Variants in NAV2 observed in about 807,000 individuals in gnomAD.
The protein encoded by NAV2 is neuron navigator 2.
Under a neutral mutation model 223.2 loss-of-function variants are expected in NAV2, and 54 were observed. That is an observed-to-expected ratio of 0.24 (90% CI 0.19 to 0.30). The LOEUF (loss-of-function observed/expected upper bound fraction) is 0.30. Ranked by LOEUF, NAV2 falls within the 10% of genes least tolerant of loss-of-function variation. The pLI is 1.00. For synonymous variants in NAV2, 1,279 were observed against 1,239.3 expected, an observed-to-expected ratio of 1.03 and a Z score of -0.67; for missense variants, 2,806 against 3,147.5, an observed-to-expected ratio of 0.89 and a Z score of 2.60.
chr11:19,516,259 A>T (rs573538489), intron 1 of NAV2, among the ~76,000 whole-genome samples: 3 of 152,318 alleles, frequency 2.0e-5, no homozygotes, highest in African/African-American at 7.2e-5. Context: ...AAGGTGACAT[A>T]GGCCCCTCTT....
chr11:19,462,105 A>G (rs1852188241), intron 1 of NAV2, among the ~76,000 whole-genome samples: 1 of 152,212 alleles, frequency 6.6e-6, no homozygotes, highest in Non-Finnish European at 1.5e-5. Context: ...CACCGCACCC[A>G]GCCGAAAAAT....
intron 3 of NAV2, among the ~76,000 whole-genome samples, chr11:19,849,019 A>G (rs1289034464): frequency 6.6e-6 from 1 of 152,074 alleles, no homozygotes; most frequent in African/African-American, 2.4e-5. Flanking sequence ...CAGGGTTACC[A>G]TGAGATTTTA....
intron 11 of NAV2, among the ~76,000 whole-genome samples, chr11:19,991,618 CTG>C (rs767742942): frequency 9.2e-5 from 14 of 152,010 alleles, no homozygotes; most frequent in Non-Finnish European, 1.5e-4. Context: ...AGCATTAAGA[CTG>C]TGGGGAAATG....
At chr11:19,464,573 A>C (rs115404432) in intron 1 of NAV2, among the ~76,000 whole-genome samples, 73 of 152,332 alleles carry the variant, frequency 4.8e-4, no homozygotes, top group African/African-American at 1.5e-3. Context: ...AGAAGTGGGA[A>C]TCACACTATC....
At chr11:20,021,409 G>A (rs759864982) in intron 11 of NAV2, among the ~76,000 whole-genome samples, 2 of 152,274 alleles carry the variant, frequency 1.3e-5, no homozygotes, top group South Asian at 2.1e-4. Flanking sequence ...TGCCTAGAGC[G>A]AGGAAACAAT....
intron 1 of NAV2, among the ~76,000 whole-genome samples, chr11:19,427,773 G>A (rs1173786648): frequency 2.0e-5 from 3 of 152,272 alleles, no homozygotes; most frequent in Non-Finnish European, 4.4e-5. Context: ...GAGTGAAGCC[G>A]AATATCTTCC....
chr11:19,625,917 A>T (rs186007752), intron 1 of NAV2, among the ~76,000 whole-genome samples: 1 of 151,792 alleles, frequency 6.6e-6, no homozygotes, highest in Non-Finnish European at 1.5e-5. Flanking sequence ...AGTTCCTTGT[A>T]TATTCTGGAT....
chr11:19,810,325 C>A (rs2058778506), intron 1 of NAV2, among the ~76,000 whole-genome samples: 1 of 148,090 alleles, frequency 6.8e-6, no homozygotes, highest in Non-Finnish European at 1.5e-5. Flanking sequence ...ATACTGTGCT[C>A]CAGGCTTATT....
At chr11:19,642,011 A>T (rs984460855) in intron 1 of NAV2, among the ~76,000 whole-genome samples, 1 of 152,222 alleles carries the variant, frequency 6.6e-6, no homozygotes, top group South Asian at 2.1e-4. Flanking sequence ...AGTGATTGGC[A>T]TATAGCAGGT....
chr11:19,887,195 T>C lies in NAV2; in HGVS notation c.771-5239T>C, dbSNP rs560275600. Among the ~76,000 whole-genome samples the C allele has an allele frequency of 5.3e-5, 8 of 152,260 alleles. No homozygotes were observed. In the South Asian group the frequency reaches 1.7e-3, roughly 32 times the overall value. ...CACCTGCCAGAACCCAACACTTTGA[T>C]GGGCACCAGGGGTATTGAGAAGAAT... On this transcript the variant is annotated intron_variant, in intron 5 of 37. Transcript: ENST00000349880.
intron 1 of NAV2, among the ~76,000 whole-genome samples, chr11:19,826,394 A>G (rs1024170361): frequency 6.6e-6 from 1 of 152,164 alleles, no homozygotes; most frequent in Admixed American, 6.5e-5. Flanking sequence ...CAAAATCTTG[A>G]GCCCTTACTC....
At chr11:19,935,094 G>T (rs944164017) in intron 7 of NAV2, among the ~76,000 whole-genome samples, 5 of 152,170 alleles carry the variant, frequency 3.3e-5, no homozygotes, top group Non-Finnish European at 7.3e-5. Flanking sequence ...CATACACATG[G>T]ATGAGTCCAC....
intron 1 of NAV2, among the ~76,000 whole-genome samples, chr11:19,484,127 A>AGCACAC (rs140586290): frequency 1.2e-4 from 17 of 144,898 alleles, no homozygotes; most frequent in African/African-American, 4.1e-4. Context: ...ACTGATCACA[A>AGCACAC]ACACACACAC....
chr11:19,610,407 G>T (rs138433618), intron 1 of NAV2, among the ~76,000 whole-genome samples: 2 of 152,146 alleles, frequency 1.3e-5, no homozygotes, highest in South Asian at 4.1e-4. Flanking sequence ...TGGGTGCCAC[G>T]GGCTCATTCA....
At chr11:19,957,906 A>AG (rs1259782241) in intron 10 of NAV2, among the ~76,000 whole-genome samples, 1 of 149,936 alleles carries the variant, frequency 6.7e-6, no homozygotes, top group Admixed American at 6.7e-5. Flanking sequence ...GAAGAGAGAG[A>AG]GAAAAAAAAA....
intron 20 of NAV2, among the ~76,000 whole-genome samples, chr11:20,065,466 C>T (rs1214741063): frequency 3.3e-5 from 5 of 152,338 alleles, no homozygotes; most frequent in Admixed American, 2.6e-4. Context: ...GTTATGGCTA[C>T]CTCTTGGAGT....
intron 1 of NAV2, among the ~76,000 whole-genome samples, chr11:19,678,162 A>G (rs909329803): frequency 2.0e-5 from 3 of 152,224 alleles, no homozygotes; most frequent in Admixed American, 2.0e-4. Context: ...GAGAGCGCCC[A>G]AGATAATAAG....
At chr11:19,553,170 T>C (rs1190578051) in intron 1 of NAV2, among the ~76,000 whole-genome samples, 2 of 152,162 alleles carry the variant, frequency 1.3e-5, no homozygotes, top group Non-Finnish European at 2.9e-5. Flanking sequence ...CAGCATTCTT[T>C]CAATGCATAG....
At chr11:19,511,217 G>A (rs894689846) in intron 1 of NAV2, 1 of 152,226 alleles carries the variant, frequency 6.6e-6, no homozygotes, top group Non-Finnish European at 1.5e-5. Flanking sequence ...AAAAGGAATG[G>A]ATGGGAGAGC....
Sources: allele counts gnomAD v4.1 joint callset (sites outside exome capture counted in the v4.1 genomes callset), GRCh38; gene constraint gnomAD v4.1.1; transcripts MANE v1.5; gene names NCBI Gene and HGNC (gene_info 2026-07-23, HGNC 2026-07-21).